SOX6: variants seen among roughly 807,000 people sequenced by gnomAD.
SOX6 encodes the protein SRY-box transcription factor 6.
A neutral mutation model predicts 97.8 loss-of-function variants in SOX6; 11 were observed. The ratio of observed to expected loss-of-function variants is 0.11; its 90% CI spans 0.07 to 0.19. The LOEUF (loss-of-function observed/expected upper bound fraction) is 0.19. Among genes scored for constraint, SOX6 ranks in the 10% least tolerant of loss-of-function variants. The pLI is 1.00. For missense variants in SOX6, 810 were observed against 1,039.5 expected, an observed-to-expected ratio of 0.78 and a Z score of 3.04; for synonymous variants, 360 against 371.4, an observed-to-expected ratio of 0.97 and a Z score of 0.35.
intron 4 of SOX6, among the ~76,000 whole-genome samples, chr11:16,523,826 A>C (rs1341102244): frequency 6.6e-6 from 1 of 152,226 alleles, no homozygotes; most frequent in African/African-American, 2.4e-5. Context: ...ACAGAAATAC[A>C]AACTACCATC....
At chr11:16,212,383 G>A (rs901399695) in intron 4 of SOX6, among the ~76,000 whole-genome samples, 2 of 150,962 alleles carry the variant, frequency 1.3e-5, no homozygotes, top group Non-Finnish European at 3.0e-5. Context: ...AAATATCTAT[G>A]GTATTATTTT....
rs750160239 is a variant in SOX6 at position 16,014,928 on chromosome 11, G to C, written c.1732+14C>G. 5 of 1,609,168 alleles carry C rather than the reference G, an allele frequency of 3.1e-6. No homozygotes were observed. ...CATGGAGCAGCAGAAAAGAACTAGA[G>C]AAAAGCCACTCACCCTCTGCATCTT... On this transcript the variant is annotated intron_variant, in intron 13 of 15. Transcript: ENST00000683767.
rs1193176710 is a variant in SOX6 at position 16,154,013 on chromosome 11, TA to T, written c.777+29872del. Among the ~76,000 whole-genome samples, 3 of 152,192 alleles carry T rather than the reference TA, an allele frequency of 2.0e-5. No individual in the cohort carries two copies. The East Asian group carries it at 5.8e-4, about 30-fold the overall frequency. On this transcript the variant is annotated intron_variant, in intron 6 of 15. Transcript: ENST00000683767. ...TGCTGCCTGATAATAAAAAGGAATA[TA>T]AAAGTGAAGTAAGATGGCAATTTAT...
At chr11:16,443,942 G>A (rs1859561019) in intron 1 of SOX6, among the ~76,000 whole-genome samples, 1 of 151,050 alleles carries the variant, frequency 6.6e-6, no homozygotes, top group South Asian at 2.1e-4. Context: ...GAACCCGGGA[G>A]GTGGAGGTTG....
chr11:16,553,611 AC>A lies in SOX6; in HGVS notation n.609+58469del, dbSNP rs1847715114. 2.7e-5 allele frequency among the ~76,000 whole-genome samples: 4 copies of A among 148,726 alleles called. No individual in the cohort carries two copies. In the Admixed American group the frequency reaches 2.7e-4, roughly 10 times the overall value. Reference sequence around the variant, plus strand: ...TTTTTTTTTACTTTATTCTGTCTGGACCCGGTGTATATAAATGGCTACAAAT... The same window carrying A: ...TTTTTTTTTACTTTATTCTGTCTGGACCGGTGTATATAAATGGCTACAAAT... On this transcript the variant is annotated intron_variant and non_coding_transcript_variant, in intron 4 of 5. Coordinates refer to the SOX6 transcript ENST00000524520.
intron 3 of SOX6, among the ~76,000 whole-genome samples, chr11:16,643,275 G>T (rs924350024): frequency 1.3e-5 from 2 of 152,224 alleles, no homozygotes; most frequent in African/African-American, 4.8e-5. Context: ...TCCTCTGGAA[G>T]TTTTGTCTCA....
At chr11:16,079,897 A>C (rs1848435223) in intron 9 of SOX6, among the ~76,000 whole-genome samples, 1 of 152,076 alleles carries the variant, frequency 6.6e-6, no homozygotes, top group African/African-American at 2.4e-5. Flanking sequence ...ATGATACCTT[A>C]TATATATCAA....
intron 9 of SOX6, among the ~76,000 whole-genome samples, chr11:16,083,275 G>A (rs1172392414): frequency 6.6e-6 from 1 of 152,090 alleles, no homozygotes; most frequent in Non-Finnish European, 1.5e-5. Flanking sequence ...ATAGAAAAGA[G>A]TGCATACTAC....
At chr11:16,624,439 G>C (rs56009383) in intron 3 of SOX6, among the ~76,000 whole-genome samples, 1 of 152,060 alleles carries the variant, frequency 6.6e-6, no homozygotes, top group African/African-American at 2.4e-5. Context: ...GCCTCCCAAA[G>C]TGCTGGGATT....
intron 3 of SOX6, among the ~76,000 whole-genome samples, chr11:16,268,293 C>A (rs1854142716): frequency 6.6e-6 from 1 of 150,894 alleles, no homozygotes; most frequent in South Asian, 2.1e-4. Flanking sequence ...TCATGTACCC[C>A]ATAAATACAT....
chr11:16,120,268 A>T (rs1180659514), intron 6 of SOX6, among the ~76,000 whole-genome samples: 1 of 144,500 alleles, frequency 6.9e-6, no homozygotes, highest in Non-Finnish European at 1.5e-5. Flanking sequence ...TCTGTCTCTC[A>T]TAACTTCTCC....
At chr11:16,022,779 C>T (rs2133873070) in intron 12 of SOX6, among the ~76,000 whole-genome samples, 1 of 152,238 alleles carries the variant, frequency 6.6e-6, no homozygotes, top group South Asian at 2.1e-4. Flanking sequence ...ACCTTAGTAA[C>T]CATGTAGGAG....
intron 6 of SOX6, among the ~76,000 whole-genome samples, chr11:16,179,555 G>A (rs1306236751): frequency 6.6e-6 from 1 of 151,840 alleles, no homozygotes; most frequent in Non-Finnish European, 1.5e-5. Flanking sequence ...CGCAGCAATG[G>A]CATTTAGTTC....
At chr11:16,428,678 G>C (rs577653059) in intron 1 of SOX6, among the ~76,000 whole-genome samples, 2 of 152,264 alleles carry the variant, frequency 1.3e-5, no homozygotes, top group African/African-American at 2.4e-5. Flanking sequence ...CTGTTCCATT[G>C]ATCTATATCC....
chr11:16,595,408 T>G (rs1848201473), intron 4 of SOX6, among the ~76,000 whole-genome samples: 1 of 151,996 alleles, frequency 6.6e-6, no homozygotes, highest in Non-Finnish European at 1.5e-5. Flanking sequence ...CCAGAGAGCT[T>G]CCAAACTAAA....
In SOX6 at chr11:16,259,955, G is replaced by A. The variant is rs987709819; in HGVS notation, c.446-25284C>T. Among the ~76,000 whole-genome samples the A allele has an allele frequency of 1.5e-3, 228 of 151,910 alleles. 1 individual carries two copies. Among genetic ancestry groups the A allele is most frequent in the Non-Finnish European group, 2.6e-3 (176 of 67,956 alleles). ...TTCAATGTCCCAAATATGTGTGTGT[G>A]TGTGTGTGTGTGTGTGTGTATATAT... On this transcript the variant is annotated intron_variant, in intron 3 of 15. Coordinates refer to ENST00000683767, the MANE Select transcript of SOX6 (RefSeq NM_001367873.1).
chr11:16,230,281 A>G (rs911796270), intron 4 of SOX6, among the ~76,000 whole-genome samples: 3 of 150,404 alleles, frequency 2.0e-5, no homozygotes, highest in African/African-American at 7.3e-5. Flanking sequence ...CTATTACTTA[A>G]TATTATTCTT....
chr11:16,234,131 C>A (rs560561868), intron 4 of SOX6, among the ~76,000 whole-genome samples: 86 of 152,104 alleles, frequency 5.7e-4, no homozygotes, highest in African/African-American at 2.0e-3. Flanking sequence ...GCTTCAGAAT[C>A]CCCCAATAAA....
rs539510801 is a variant in SOX6, at chr11:16,230,919, G to T, written c.535+3663C>A. Among the ~76,000 whole-genome samples, 122 of 151,772 alleles carry T rather than the reference G, an allele frequency of 8.0e-4. 1 individual carries two copies. The highest frequency in any genetic ancestry group is 2.9e-3 in the African/African-American group (119 of 41,530). ...ATGTAATCAGAGTGTAATAAAAGAT[G>T]CCATTTCAAGTCAGAGGAGGTAAGA... On this transcript the variant is annotated intron_variant, in intron 4 of 15. Transcript: ENST00000683767.
Sources: gnomAD v4.1 joint callset for allele counts (sites outside exome capture counted in the v4.1 genomes callset) on GRCh38, gnomAD v4.1.1 for gene constraint, MANE v1.5 for transcripts, NCBI Gene and HGNC (gene_info 2026-07-23, HGNC 2026-07-21) for gene names.